ARK2C: variants seen among roughly 807,000 people sequenced by gnomAD.
ARK2C encodes arkadia (RNF111) C-terminal like ring finger ubiquitin ligase 2C.
At chr18:46,392,035 A>G in the ARK2C span, among the ~76,000 whole-genome samples, 1 of 151,586 alleles carries the variant, frequency 6.6e-6, no homozygotes, top group Non-Finnish European at 1.5e-5. Flanking sequence ...TACACACCAC[A>G]CATAATACAT....
chr18:46,346,595 C>T, the ARK2C span, among the ~76,000 whole-genome samples: 3 of 152,192 alleles, frequency 2.0e-5, no homozygotes, highest in Non-Finnish European at 4.4e-5. Context: ...CTTTGGCCCT[C>T]TCTGAGCCTC....
the ARK2C span, among the ~76,000 whole-genome samples, chr18:46,404,231 G>A: frequency 3.3e-5 from 5 of 152,120 alleles, no homozygotes; most frequent in South Asian, 2.1e-4. Context: ...TTCTTTCCTG[G>A]TGCTACGTTA....
At chr18:46,345,529 C>T in the ARK2C span, among the ~76,000 whole-genome samples, 2 of 152,186 alleles carry the variant, frequency 1.3e-5, no homozygotes, top group African/African-American at 4.8e-5. Flanking sequence ...AGGCCCCATC[C>T]CTGCACAGGT....
At chr18:46,361,151 T>G in the ARK2C span, among the ~76,000 whole-genome samples, 1 of 152,166 alleles carries the variant, frequency 6.6e-6, no homozygotes, top group Non-Finnish European at 1.5e-5. Context: ...CTTGACACCA[T>G]ACTGAGTCTT....
chr18:46,427,881 G>A, the ARK2C span, among the ~76,000 whole-genome samples: 4 of 152,332 alleles, frequency 2.6e-5, no homozygotes, highest in South Asian at 4.1e-4. Context: ...GGCAACCCTG[G>A]GGCTGGTGGG....
At chr18:46,416,214 T>C in the ARK2C span, among the ~76,000 whole-genome samples, 3 of 152,174 alleles carry the variant, frequency 2.0e-5, no homozygotes, top group African/African-American at 7.2e-5. Flanking sequence ...AGGAAAGCTC[T>C]AGGAAGTCAA....
chr18:46,351,944 A>G, the ARK2C span, among the ~76,000 whole-genome samples: 12 of 152,328 alleles, frequency 7.9e-5, no homozygotes, highest in African/African-American at 2.9e-4. Flanking sequence ...CCGTGCATCT[A>G]CGCAGTTTTT....
chr18:46,351,041 CGGGCAG>C, the ARK2C span, among the ~76,000 whole-genome samples: 5 of 152,134 alleles, frequency 3.3e-5, no homozygotes, highest in Non-Finnish European at 5.9e-5. Flanking sequence ...GCTGCCCTAG[CGGGCAG>C]ACCCCAGAGC....
At chr18:46,363,306 C>T in the ARK2C span, among the ~76,000 whole-genome samples, 1 of 152,186 alleles carries the variant, frequency 6.6e-6, no homozygotes, top group African/African-American at 2.4e-5. Flanking sequence ...GCAGAGGAAG[C>T]AAAGGCCAGG....
the ARK2C span, among the ~76,000 whole-genome samples, chr18:46,368,029 T>A: frequency 6.6e-6 from 1 of 152,236 alleles, no homozygotes; most frequent in African/African-American, 2.4e-5. Context: ...TGCAGATTCC[T>A]GGGCCTGGCC....
chr18:46,345,432 A>G, the ARK2C span, among the ~76,000 whole-genome samples: 1 of 152,078 alleles, frequency 6.6e-6, no homozygotes, highest in South Asian at 2.1e-4. Context: ...CCCCCAGCAG[A>G]GAGGTGGTGG....
the ARK2C span, among the ~76,000 whole-genome samples, chr18:46,422,736 C>A: frequency 6.6e-6 from 1 of 152,200 alleles, no homozygotes; most frequent in Non-Finnish European, 1.5e-5. Context: ...CCAAAAAGGG[C>A]CCTGGAAGTA....
At chr18:46,432,166 G>A in the ARK2C span, among the ~76,000 whole-genome samples, 8 of 152,100 alleles carry the variant, frequency 5.3e-5, no homozygotes, top group Non-Finnish European at 7.4e-5. Flanking sequence ...CCTCATTAAA[G>A]GCCTCCCTTT....
the ARK2C span, among the ~76,000 whole-genome samples, chr18:46,443,127 G>A: frequency 1.3e-5 from 2 of 152,122 alleles, no homozygotes; most frequent in African/African-American, 4.8e-5. Flanking sequence ...TGCATTTAAT[G>A]CAATTGTCTA....
At chr18:46,415,242 G>A in the ARK2C span, among the ~76,000 whole-genome samples, 3 of 152,194 alleles carry the variant, frequency 2.0e-5, no homozygotes, top group South Asian at 2.1e-4. Context: ...GAAGGAAGGC[G>A]AGGCACAGTG....
At chr18:46,400,073 C>T in the ARK2C span, among the ~76,000 whole-genome samples, 1 of 152,186 alleles carries the variant, frequency 6.6e-6, no homozygotes, top group African/African-American at 2.4e-5. Context: ...AGCACTGGGA[C>T]CCCCACGGTA....
chr18:46,448,036 T>C, the ARK2C span, among the ~76,000 whole-genome samples: 17 of 148,280 alleles, frequency 1.1e-4, no homozygotes, highest in Non-Finnish European at 2.4e-4. Flanking sequence ...ATGACCTAGC[T>C]CCCCTGTGTT....
chr18:46,397,371 C>CTG, the ARK2C span, among the ~76,000 whole-genome samples: 5 of 149,582 alleles, frequency 3.3e-5, no homozygotes, highest in East Asian at 3.9e-4. Flanking sequence ...GGAAGGGTGC[C>CTG]TGTGTGTGTG....
the ARK2C span, among the ~76,000 whole-genome samples, chr18:46,397,451 GGGGT>G: frequency 7.0e-6 from 1 of 142,726 alleles, no homozygotes; most frequent in African/African-American, 2.7e-5. Context: ...GAGGTGTGAG[GGGGT>G]GTGTGTGTGT....
Sources: allele counts gnomAD v4.1 joint callset (sites outside exome capture counted in the v4.1 genomes callset), GRCh38; gene constraint gnomAD v4.1.1; transcripts MANE v1.5; gene names NCBI Gene and HGNC (gene_info 2026-07-23, HGNC 2026-07-21).